Variants in GNB5 observed in about 807,000 individuals in gnomAD.
The protein encoded by GNB5 is guanine nucleotide-binding protein subunit beta-5.
GNB5 carries 37 observed loss-of-function variants against 55.3 expected under a neutral mutation model. The ratio of observed to expected loss-of-function variants is 0.67; its 90% CI spans 0.51 to 0.88. The LOEUF (loss-of-function observed/expected upper bound fraction) is 0.88, where lower values mean the gene tolerates loss of function less well. Ranked by LOEUF, GNB5 falls within the 40% of genes least tolerant of loss-of-function variation. The pLI is 0.00. For synonymous variants in GNB5, 219 were observed against 198.5 expected, an observed-to-expected ratio of 1.10 and a Z score of -0.87; for missense variants, 476 against 515.3, an observed-to-expected ratio of 0.92 and a Z score of 0.74.
At chr15:52,141,054 G>A (rs1341095128) in intron 7 of GNB5, 86 bp downstream of exon 7, 3 of 1,162,482 alleles carry the variant, frequency 2.6e-6, no homozygotes, top group Admixed American at 3.7e-5. Context: ...ATCTTGTTCA[G>A]AGAGACGCCG....
chr15:52,137,541 A>C lies in GNB5; in HGVS notation c.628-1785T>G, dbSNP rs1053041020. The C allele has an allele frequency of 5.9e-6, 6 of 1,023,510 alleles. No homozygotes were observed. The African/African-American group carries it at 8.6e-5, about 15-fold the overall frequency. The allele number at this position is 1,023,510 out of a possible 1,614,324, so 63.4% of individuals were successfully genotyped here. On this transcript the variant is annotated intron_variant, in intron 7 of 12. Transcript: ENST00000261837. The stretch of plus-strand genomic sequence containing the variant: ...AACGTATGTTTTAGGAAACTCTGGC[A>C]GAGGCCCAAAGAGCCTCTGGATAGC...
intron 4 of GNB5, among the ~76,000 whole-genome samples, chr15:52,150,418 C>G (rs1277169291): frequency 6.6e-6 from 1 of 152,186 alleles, no homozygotes; most frequent in Non-Finnish European, 1.5e-5. Flanking sequence ...CAGGAACCCC[C>G]CTCCCCATTC....
At chr15:52,147,346 T>C in intron 6 of GNB5, 113 bp downstream of exon 6, 2 of 748,342 alleles carry the variant, frequency 2.7e-6, no homozygotes, top group East Asian at 2.7e-5. Context: ...TTTAGCATAC[T>C]GCTAAACAAT....
chr15:52,168,586 T>C (rs993713721), intron 3 of GNB5, among the ~76,000 whole-genome samples: 10 of 152,174 alleles, frequency 6.6e-5, no homozygotes, highest in Non-Finnish European at 1.3e-4. Flanking sequence ...TAAACTACCA[T>C]TGACATTCTT....
chr15:52,188,368 T>C (rs1226780232), intron 1 of GNB5, among the ~76,000 whole-genome samples: 1 of 152,178 alleles, frequency 6.6e-6, no homozygotes, highest in African/African-American at 2.4e-5. Flanking sequence ...AAAAAAGATA[T>C]AAGGAAGAAG....
chr15:52,179,497 G>A (rs769706171), intron 3 of GNB5, among the ~76,000 whole-genome samples: 20 of 151,380 alleles, frequency 1.3e-4, no homozygotes, highest in Admixed American at 6.5e-4. Flanking sequence ...CAGGTGATGA[G>A]GATAGCTAGT....
intron 1 of GNB5, among the ~76,000 whole-genome samples, chr15:52,186,058 C>T (rs1024936399): frequency 2.6e-5 from 4 of 152,174 alleles, no homozygotes; most frequent in African/African-American, 9.7e-5. Flanking sequence ...GGATTACAGA[C>T]ATGAGCCACC....
chr15:52,184,766 T>G, intron 1 of GNB5, 72 bp from the exon 2 acceptor site: 2 of 1,295,384 alleles, frequency 1.5e-6, no homozygotes, highest in Non-Finnish European at 2.2e-6. Context: ...AATCTCTTCT[T>G]GCTTGTACCG....
rs542591741 is a variant in GNB5 at position 52,173,465 on chromosome 15, G to A, written c.238+6303C>T. Among the ~76,000 whole-genome samples, 5 of 152,354 alleles carry A rather than the reference G, an allele frequency of 3.3e-5. No homozygotes were observed. The East Asian group carries it at 9.6e-4, about 29-fold the overall frequency. The stretch of plus-strand genomic sequence containing the variant: ...TATATGAAGTAAACTAGGCAAAGAA[G>A]TGGGAGAACATTCCAGAAGAGAGAA... On this transcript the variant is annotated intron_variant, in intron 3 of 12. Transcript: ENST00000261837.
At chr15:52,137,970 C>A (rs1194707722) in intron 7 of GNB5, 1 of 1,286,582 alleles carries the variant, frequency 7.8e-7, no homozygotes, top group Non-Finnish European at 1.0e-6. Context: ...AGGAATCAGG[C>A]CTTATGCACC....
rs566843257 is a variant in GNB5, at chr15:52,154,137, G to C, written c.239-61C>G. 3.3e-6 allele frequency: 5 copies of C among 1,536,024 alleles called. No homozygotes were observed. In the South Asian group the frequency reaches 3.6e-5, roughly 11 times the overall value. On this transcript the variant is annotated intron_variant, in intron 3 of 12. Coordinates refer to ENST00000261837, the MANE Select transcript of GNB5 (RefSeq NM_016194.4). ...AGGACCAGGTTCTGGGCTTTGGGCT[G>C]ACACAGCACAGACATATGTTCCGCA...
chr15:52,160,460 G>A (rs921571916), intron 3 of GNB5, among the ~76,000 whole-genome samples: 7 of 152,186 alleles, frequency 4.6e-5, no homozygotes, highest in Admixed American at 3.9e-4. Flanking sequence ...GGAGAGCAAC[G>A]GGGCTTTTGA....
At chr15:52,180,039 C>A (rs1305052912) in intron 2 of GNB5, 160 bp from the exon 3 acceptor site, 2 of 929,570 alleles carry the variant, frequency 2.2e-6, no homozygotes. Context: ...TGCGCCTGAG[C>A]CCCAAGACCC....
chr15:52,180,554 C>G (rs2034752787), intron 2 of GNB5: 1 of 152,260 alleles, frequency 6.6e-6, no homozygotes, highest in African/African-American at 2.4e-5. Context: ...ACGCAGGAAT[C>G]AGGTCCCTGG....
At chr15:52,167,562 T>C (rs1014303670) in intron 3 of GNB5, among the ~76,000 whole-genome samples, 2 of 151,730 alleles carry the variant, frequency 1.3e-5, no homozygotes, top group Non-Finnish European at 2.9e-5. Flanking sequence ...TCTTAGCTAC[T>C]CAGGAGGCTG....
intron 7 of GNB5, chr15:52,138,029 CT>C (rs1328777999): frequency 7.4e-6 from 8 of 1,083,472 alleles, no homozygotes; most frequent in Admixed American, 2.3e-5. Flanking sequence ...CAATTTCCAG[CT>C]GCTGATGGGA....
At chr15:52,142,171 T>C (rs894957421) in intron 6 of GNB5, among the ~76,000 whole-genome samples, 1 of 152,340 alleles carries the variant, frequency 6.6e-6, no homozygotes, top group East Asian at 1.9e-4. Context: ...CCAAGATTGG[T>C]AAAGCCAACT....
At chr15:52,155,043 G>C (rs751166810) in intron 3 of GNB5, among the ~76,000 whole-genome samples, 2 of 152,190 alleles carry the variant, frequency 1.3e-5, no homozygotes, top group Non-Finnish European at 2.9e-5. Context: ...TCATGCAGGG[G>C]AGGACGCCAA....
intron 3 of GNB5, among the ~76,000 whole-genome samples, chr15:52,159,866 T>C (rs2034294523): frequency 6.6e-6 from 1 of 151,508 alleles, no homozygotes; most frequent in African/African-American, 2.4e-5. Context: ...CTGGCAGGCG[T>C]GGTCATTAGA....
Sources: gnomAD v4.1 joint callset for allele counts (sites outside exome capture counted in the v4.1 genomes callset) on GRCh38, gnomAD v4.1.1 for gene constraint, MANE v1.5 for transcripts, NCBI Gene and HGNC (gene_info 2026-07-23, HGNC 2026-07-21) for gene names.